DENND1B: variants seen among roughly 807,000 people sequenced by gnomAD.
DENND1B encodes DENN domain-containing protein 1B.
Under a neutral mutation model 90.1 loss-of-function variants are expected in DENND1B, and 59 were observed. The observed-to-expected ratio is 0.65, with a 90% CI of 0.53 to 0.81. The LOEUF is 0.81. Ranked by LOEUF, DENND1B falls within the 40% of genes least tolerant of loss-of-function variation. The pLI is 0.00. For missense variants in DENND1B, 862 were observed against 912.6 expected, an observed-to-expected ratio of 0.94 and a Z score of 0.71; for synonymous variants, 337 against 324.6, an observed-to-expected ratio of 1.04 and a Z score of -0.41.
At chr1:197,675,994 T>TC (rs1656024056) in intron 3 of DENND1B, among the ~76,000 whole-genome samples, 1 of 142,642 alleles carries the variant, frequency 7.0e-6, no homozygotes. Context: ...GGCAGAAGCA[T>TC]CCCTCAGGGG....
chr1:197,749,895 T>A (rs1653242429), intron 2 of DENND1B, among the ~76,000 whole-genome samples: 1 of 152,196 alleles, frequency 6.6e-6, no homozygotes, highest in South Asian at 2.1e-4. Flanking sequence ...TCGCCCAGGC[T>A]GGAATACAGT....
chr1:197,520,387 A>G (rs1384030276), intron 20 of DENND1B, among the ~76,000 whole-genome samples: 3 of 152,034 alleles, frequency 2.0e-5, no homozygotes, highest in Non-Finnish European at 4.4e-5. Flanking sequence ...AACATAATTG[A>G]TAAACTTTTT....
intron 20 of DENND1B, among the ~76,000 whole-genome samples, chr1:197,514,625 G>A (rs1668272472): frequency 6.6e-6 from 1 of 151,636 alleles, no homozygotes; most frequent in African/African-American, 2.4e-5. Flanking sequence ...GATTGGCCAT[G>A]AGTTGATAAT....
chr1:197,682,365 C>T (rs1480901379), intron 3 of DENND1B, among the ~76,000 whole-genome samples: 1 of 152,026 alleles, frequency 6.6e-6, no homozygotes, highest in East Asian at 1.9e-4. Context: ...TATAATTACA[C>T]AATTTTTAAA....
At chr1:197,749,096 G>A (rs537018851) in intron 2 of DENND1B, among the ~76,000 whole-genome samples, 14 of 151,772 alleles carry the variant, frequency 9.2e-5, no homozygotes, top group South Asian at 2.1e-4. Context: ...TGTACAAACC[G>A]AGACACAGAA....
Position 197,510,389 on chromosome 1 carries a change from C to A in DENND1B, c.*71G>T. On this transcript the variant is annotated 3_prime_UTR_variant, in exon 23 of 23. Coordinates refer to ENST00000620048, the MANE Select transcript of DENND1B (RefSeq NM_001195215.2). ...TAAATAGTATGAGTTGCCATTCCTA[C>A]AAATAATTCTGTTTATTATACAGAT... 6.9e-7 allele frequency: 1 copy of A among 1,457,526 alleles called. No individual in the cohort carries two copies. The highest frequency in any genetic ancestry group is 1.5e-5 in the South Asian group (1 of 65,450). 90.3% of individuals were successfully genotyped at this position (1,457,526 alleles called of 1,614,324 possible).
At chr1:197,707,927 G>A in intron 3 of DENND1B, among the ~76,000 whole-genome samples, 1 of 151,628 alleles carries the variant, frequency 6.6e-6, no homozygotes, top group Admixed American at 6.6e-5. Flanking sequence ...AAGCGCAAGG[G>A]GTCAGGGAGT....
chr1:197,640,818 C>CG (rs1680207370), intron 10 of DENND1B, among the ~76,000 whole-genome samples: 1 of 152,124 alleles, frequency 6.6e-6, no homozygotes, highest in Non-Finnish European at 1.5e-5. Flanking sequence ...CAAATACTAC[C>CG]TCACTGAGTT....
At chr1:197,574,052 C>T (rs571136211) in intron 15 of DENND1B, among the ~76,000 whole-genome samples, 1 of 151,916 alleles carries the variant, frequency 6.6e-6, no homozygotes, top group East Asian at 1.9e-4. Context: ...CAAGGATGCC[C>T]TCTCTCCTAT....
rs571310925 is a variant in DENND1B, at chr1:197,542,159, G to C, written c.1351-1144C>G. Among the ~76,000 whole-genome samples, 23 of 152,220 alleles carry C rather than the reference G, an allele frequency of 1.5e-4. No homozygotes were observed. The South Asian group carries it at 3.5e-3, about 23-fold the overall frequency. ...ATGGCTTTGGTAATAATTTAAAATGGAGACCTAACAAGAAAGATGACTCTG... is the reference window on the plus strand; with the variant it reads ...ATGGCTTTGGTAATAATTTAAAATGCAGACCTAACAAGAAAGATGACTCTG... On this transcript the variant is annotated intron_variant, in intron 18 of 22. Transcript: ENST00000620048.
intron 8 of DENND1B, among the ~76,000 whole-genome samples, chr1:197,646,261 C>T (rs1747827): frequency 0.16 from 24,295 of 151,792 alleles, 2,238 homozygotes; most frequent in Non-Finnish European, 0.2. Context: ...ATCAACCACC[C>T]TATTATTTAG....
chr1:197,739,277 A>C (rs554364422), intron 2 of DENND1B, among the ~76,000 whole-genome samples: 49 of 152,380 alleles, frequency 3.2e-4, no homozygotes, highest in African/African-American at 7.9e-4. Context: ...CACCTACCAA[A>C]GCTTAAAAGC....
intron 3 of DENND1B, among the ~76,000 whole-genome samples, chr1:197,714,037 C>T (rs745661291): frequency 1.1e-3 from 62 of 55,018 alleles, no homozygotes; most frequent in Admixed American, 1.6e-3. Flanking sequence ...GTTGCCCAGG[C>T]ACGATCTCGG....
chr1:197,674,110 T>C lies in DENND1B; in HGVS notation c.176+10A>G, dbSNP rs1047321602. ...ATCTACATTTATTTTAAATGATACT[T>C]ATACTGTACCTTTCAACGTCAAAGG... On this transcript the variant is annotated intron_variant, in intron 4 of 22. Transcript: ENST00000620048. The C allele has an allele frequency of 1.9e-6, 3 of 1,573,856 alleles. No individual in the cohort carries two copies. The highest frequency in any genetic ancestry group is 2.7e-5 in the African/African-American group (2 of 73,604).
At chr1:197,691,421 T>C (rs1471582492) in intron 3 of DENND1B, among the ~76,000 whole-genome samples, 1 of 152,170 alleles carries the variant, frequency 6.6e-6, no homozygotes, top group East Asian at 1.9e-4. Context: ...TTCACACCTG[T>C]GAGAATGCCC....
intron 13 of DENND1B, 65 bp downstream of exon 13, chr1:197,607,008 A>G (rs1676742305): frequency 8.3e-7 from 1 of 1,201,382 alleles, no homozygotes. Flanking sequence ...GGGAAAAATA[A>G]CTTAGTAATT....
chr1:197,589,480 T>C (rs1230684610), intron 14 of DENND1B, among the ~76,000 whole-genome samples: 1 of 152,182 alleles, frequency 6.6e-6, no homozygotes, highest in Non-Finnish European at 1.5e-5. Flanking sequence ...ATGTGTAAAA[T>C]GTTTTAGTAA....
chr1:197,649,346 T>C (rs1286876854), intron 7 of DENND1B, among the ~76,000 whole-genome samples: 1 of 152,202 alleles, frequency 6.6e-6, no homozygotes, highest in Non-Finnish European at 1.5e-5. Flanking sequence ...GACAGTCTTT[T>C]GTAGAAATGA....
intron 20 of DENND1B, among the ~76,000 whole-genome samples, chr1:197,526,463 C>G (rs1325147926): frequency 4.7e-4 from 71 of 151,852 alleles, no homozygotes; most frequent in Non-Finnish European, 1.2e-4. Context: ...TCAAATAGGA[C>G]AGAATATAGG....
Sources: allele counts gnomAD v4.1 joint callset (sites outside exome capture counted in the v4.1 genomes callset), GRCh38; gene constraint gnomAD v4.1.1; transcripts MANE v1.5; gene names NCBI Gene and HGNC (gene_info 2026-07-23, HGNC 2026-07-21).